The following IL1RAPL2 variants were observed in gnomAD, a reference collection of about 807,000 sequenced individuals.
IL1RAPL2 encodes X-linked interleukin-1 receptor accessory protein-like 2.
Under a neutral mutation model 44.1 loss-of-function variants are expected in IL1RAPL2, and 3 were observed. The ratio of observed to expected loss-of-function variants is 0.07; its 90% CI spans 0.03 to 0.18. The LOEUF (loss-of-function observed/expected upper bound fraction) is 0.18. IL1RAPL2 is among the 10% of genes least tolerant of loss of function. The pLI is 1.00. For missense variants in IL1RAPL2, 391 were observed against 496.4 expected, an observed-to-expected ratio of 0.79 and a Z score of 2.02; for synonymous variants, 181 against 178.8, an observed-to-expected ratio of 1.01 and a Z score of -0.10.
intron 5 of IL1RAPL2, among the ~76,000 whole-genome samples, chrX:105,299,776 G>A (rs1253144907): frequency 8.9e-6 from 1 of 111,979 alleles, no homozygotes; most frequent in East Asian, 2.8e-4. Context: ...ATGAGCAAGA[G>A]GGCAGCCTGA....
intron 2 of IL1RAPL2, among the ~76,000 whole-genome samples, chrX:104,975,842 G>C (rs773704379): frequency 9.0e-6 from 1 of 111,247 alleles, no homozygotes; most frequent in African/African-American, 3.3e-5. Flanking sequence ...TGATGACCTT[G>C]GGGTGAGATC....
intron 1 of IL1RAPL2, among the ~76,000 whole-genome samples, chrX:104,612,421 C>T (rs746288607): frequency 8.9e-6 from 1 of 112,068 alleles, no homozygotes; most frequent in South Asian, 3.8e-4. Context: ...TATCCCAGCA[C>T]AATTTATTGA....
At chrX:105,259,522 C>T (rs996388216) in intron 4 of IL1RAPL2, among the ~76,000 whole-genome samples, 2 of 111,232 alleles carry the variant, frequency 1.8e-5, no homozygotes, top group East Asian at 2.8e-4. Context: ...CCTGGGAGCT[C>T]CACTCGAGAG....
chrX:105,706,406 A>T (rs1307316618), intron 6 of IL1RAPL2, among the ~76,000 whole-genome samples: 6 of 112,037 alleles, frequency 5.4e-5, no homozygotes, highest in Non-Finnish European at 1.1e-4. Context: ...GCATTATTTG[A>T]TGAGACTAGC....
At position 105,089,431 on chromosome X, in the gene IL1RAPL2, C is replaced by A. The variant is rs963002765; in HGVS notation, c.83-106044C>A. Among the ~76,000 whole-genome samples, 36 of 111,002 alleles carry A rather than the reference C, an allele frequency of 3.2e-4. 1 individual carries two copies. ...CCTATTTTCCTTCTTACTCTGTATG[C>A]TTCTTTGTCTCCAACCATGCCCAAC... On this transcript the variant is annotated intron_variant, in intron 2 of 10. Transcript: ENST00000372582.
chrX:105,326,220 T>G (rs1156592588), intron 5 of IL1RAPL2, among the ~76,000 whole-genome samples: 1 of 110,138 alleles, frequency 9.1e-6, no homozygotes, highest in Non-Finnish European at 1.9e-5. Context: ...TCTGGCTAAT[T>G]TTTAAAATTT....
intron 2 of IL1RAPL2, among the ~76,000 whole-genome samples, chrX:104,761,886 TCC>T (rs1438796477): frequency 2.0e-5 from 1 of 50,316 alleles, no homozygotes; most frequent in African/African-American, 1.2e-4. Context: ...CTTCTCCTTC[TCC>T]TTCTCCTTCT....
intron 6 of IL1RAPL2, among the ~76,000 whole-genome samples, chrX:105,563,735 C>T (rs2036955488): frequency 9.0e-6 from 1 of 111,169 alleles, no homozygotes; most frequent in South Asian, 3.8e-4. Context: ...ATATGCTGTG[C>T]TGTCTCCAGG....
intron 2 of IL1RAPL2, among the ~76,000 whole-genome samples, chrX:104,810,295 A>G (rs1302565229): frequency 9.0e-6 from 1 of 110,695 alleles, no homozygotes; most frequent in Non-Finnish European, 1.9e-5. Context: ...GGATAGCTTT[A>G]GGAGACATAC....
intron 2 of IL1RAPL2, among the ~76,000 whole-genome samples, chrX:104,883,494 C>T (rs1041180853): frequency 8.1e-5 from 9 of 111,264 alleles, no homozygotes; most frequent in Non-Finnish European, 1.5e-4. Flanking sequence ...TGACCATGAG[C>T]GGAACTCTCG....
intron 5 of IL1RAPL2, among the ~76,000 whole-genome samples, chrX:105,356,338 T>C (rs1012522257): frequency 9.0e-6 from 1 of 111,624 alleles, no homozygotes; most frequent in Admixed American, 9.6e-5. Context: ...TTGCACTTCA[T>C]GTTTATTGAT....
chrX:104,636,572 C>T (rs1210066178), intron 1 of IL1RAPL2, among the ~76,000 whole-genome samples: 4 of 111,919 alleles, frequency 3.6e-5, no homozygotes, highest in African/African-American at 1.3e-4. Flanking sequence ...CTTGCTGCCA[C>T]CTTGCAGTTT....
At chrX:105,640,654 GTATATATATA>G (rs768814568) in intron 6 of IL1RAPL2, among the ~76,000 whole-genome samples, 875 of 59,462 alleles carry the variant, frequency 0.015, 14 homozygotes, top group South Asian at 0.098. Context: ...GTATGTGTGT[GTATATATATA>G]TATATATATA....
intron 2 of IL1RAPL2, among the ~76,000 whole-genome samples, chrX:105,106,441 ATAT>A (rs1271023938): frequency 1.8e-5 from 2 of 110,674 alleles, no homozygotes; most frequent in Non-Finnish European, 3.8e-5. Flanking sequence ...TAGTTGGATA[ATAT>A]TATATTACTA....
intron 2 of IL1RAPL2, among the ~76,000 whole-genome samples, chrX:104,883,568 G>A (rs1205955255): frequency 1.8e-5 from 2 of 111,470 alleles, no homozygotes; most frequent in East Asian, 5.7e-4. Flanking sequence ...TGCCTCTTGG[G>A]TCCTAATGCC....
At chrX:104,629,909 G>A (rs900121283) in intron 1 of IL1RAPL2, among the ~76,000 whole-genome samples, 10 of 111,869 alleles carry the variant, frequency 8.9e-5, no homozygotes, top group Admixed American at 2.9e-4. Flanking sequence ...TACCAATAAC[G>A]TGCTATTTTG....
At chrX:105,525,829 G>A (rs1338730567) in intron 6 of IL1RAPL2, among the ~76,000 whole-genome samples, 1 of 111,628 alleles carries the variant, frequency 9.0e-6, no homozygotes, top group Non-Finnish European at 1.9e-5. Flanking sequence ...AGAGGGAAAA[G>A]AATATAAGGA....
At chrX:104,803,793 T>A (rs1433508291) in intron 2 of IL1RAPL2, 6 of 112,449 alleles carry the variant, frequency 5.3e-5, no homozygotes, top group African/African-American at 1.9e-4. Context: ...TCCAGCCTTG[T>A]TGCAATCAGC....
chrX:105,557,742 G>A (rs1340763754), intron 6 of IL1RAPL2, among the ~76,000 whole-genome samples: 4 of 110,754 alleles, frequency 3.6e-5, no homozygotes, highest in South Asian at 3.8e-4. Flanking sequence ...AGGGAGAGTC[G>A]CCCTCCCCAA....
Sources: allele counts gnomAD v4.1 joint callset (sites outside exome capture counted in the v4.1 genomes callset), GRCh38; gene constraint gnomAD v4.1.1; transcripts MANE v1.5; gene names NCBI Gene and HGNC (gene_info 2026-07-23, HGNC 2026-07-21).